Variants in PIN4 observed in about 807,000 individuals in gnomAD.
PIN4 encodes peptidylprolyl cis/trans isomerase, NIMA-interacting 4, also known as peptidyl-prolyl cis-trans isomerase NIMA-interacting 4.
A neutral mutation model predicts 8.3 loss-of-function variants in PIN4; 3 were observed. The ratio of observed to expected loss-of-function variants is 0.36; its 90% CI spans 0.16 to 0.93. The LOEUF is 0.93. Ranked by LOEUF, PIN4 falls within the 40% of genes least tolerant of loss-of-function variation. The pLI is 0.44. For missense variants in PIN4, 75 were observed against 100.6 expected (o/e 0.75, Z 1.09); for synonymous variants, 18 against 32.5 (o/e 0.55, Z 1.52).
chrX:72,238,977 T>C lies in PIN4; in HGVS notation c.313-23730T>C, dbSNP rs1015766100. On this transcript the variant is annotated intron_variant, in intron 3 of 3. Coordinates refer to the PIN4 transcript ENST00000423432. Reference sequence around the variant, plus strand: ...GAGCTTGGAGCTTGGAGCTTGGAGCTTGGAGCTTAGAGTTTGGAGCTTGAA... The same window carrying C: ...GAGCTTGGAGCTTGGAGCTTGGAGCCTGGAGCTTAGAGTTTGGAGCTTGAA... 6.7e-6 allele frequency: 7 copies of C among 1,044,383 alleles called. No homozygotes were observed. The Admixed American group carries it at 1.8e-4, about 27-fold the overall frequency. The allele number at this position is 1,044,383 out of a possible 1,213,427, so 86.1% of individuals were successfully genotyped here. A position where few individuals can be genotyped will look rare whatever the true frequency, so the allele number is the denominator to read the frequency against.
intron 3 of PIN4, chrX:72,262,680 C>T: frequency 9.7e-7 from 1 of 1,028,060 alleles, no homozygotes; most frequent in Non-Finnish European, 1.3e-6. Flanking sequence ...AATTGATTGA[C>T]ATTATCACTT....
intron 3 of PIN4, among the ~76,000 whole-genome samples, chrX:72,216,080 G>A (rs902514898): frequency 9.0e-6 from 1 of 110,571 alleles, no homozygotes; most frequent in African/African-American, 3.3e-5. Context: ...ATGTCAACCT[G>A]GAGCCCGTGA....
intron 1 of PIN4, among the ~76,000 whole-genome samples, chrX:72,185,156 A>AAAAAAAC (rs2042694984): frequency 9.6e-6 from 1 of 103,941 alleles, no homozygotes; most frequent in African/African-American, 3.4e-5. Context: ...TCAAAAAAAA[A>AAAAAAAC]AAAAAAAAAA....
At chrX:72,193,053 T>C (rs1159141346) in intron 2 of PIN4, among the ~76,000 whole-genome samples, 1 of 111,519 alleles carries the variant, frequency 9.0e-6, no homozygotes, top group Non-Finnish European at 1.9e-5. Context: ...TAGTCATCAC[T>C]CCCAAACTCT....
rs758022575 is a variant in PIN4, at chrX:72,215,858, A to T, written c.312+18954A>T. On this transcript the variant is annotated intron_variant, in intron 3 of 3. Coordinates refer to the PIN4 transcript ENST00000423432. ...TCCCGCTTGGGTTCAGTGGCATACA[A>T]CCCTTCTCCTAGATTTCTTCTACCT... Among the ~76,000 whole-genome samples, 8 of 109,967 alleles carry T rather than the reference A, an allele frequency of 7.3e-5. No individual in the cohort carries two copies. In the South Asian group the frequency reaches 3.2e-3, roughly 43 times the overall value.
At chrX:72,192,381 C>G (rs1457591765) in intron 2 of PIN4, among the ~76,000 whole-genome samples, 2 of 111,689 alleles carry the variant, frequency 1.8e-5, no homozygotes, top group Non-Finnish European at 3.8e-5. Context: ...CTGCTGTATT[C>G]TGGCTTCTGC....
At chrX:72,231,578 G>T (rs183764253) in intron 3 of PIN4, among the ~76,000 whole-genome samples, 1 of 109,282 alleles carries the variant, frequency 9.2e-6, no homozygotes, top group Non-Finnish European at 1.9e-5. Context: ...TTGAGACAGG[G>T]TCTCCCTCTG....
chrX:72,182,836 G>T (rs2042680860), intron 1 of PIN4, among the ~76,000 whole-genome samples: 1 of 111,721 alleles, frequency 9.0e-6, no homozygotes, highest in African/African-American at 3.3e-5. Context: ...GCGTAGTGTT[G>T]CTGGAGCAAA....
At chrX:72,259,642 G>C (rs751943927) in intron 3 of PIN4, among the ~76,000 whole-genome samples, 1 of 108,707 alleles carries the variant, frequency 9.2e-6, no homozygotes, top group South Asian at 4.3e-4. Context: ...AATCAGGGGT[G>C]TGAATTGACT....
Position 72,186,955 on chromosome X carries a change from A to T in PIN4, c.117+421A>T, listed in dbSNP as rs1002394387. ...AAATAAATAAATAAAAATAAATTTT[A>T]AAAAAATGGAAAATATAGACCAGTC... On this transcript the variant is annotated intron_variant, in intron 2 of 3. Transcript: ENST00000373669. Among the ~76,000 whole-genome samples, 8 of 112,259 alleles carry T rather than the reference A, an allele frequency of 7.1e-5. 1 individual carries two copies. The East Asian group carries it at 1.9e-3, about 27-fold the overall frequency.
At chrX:72,244,406 C>T (rs2043060090) in intron 3 of PIN4, among the ~76,000 whole-genome samples, 1 of 111,738 alleles carries the variant, frequency 8.9e-6, no homozygotes, top group Non-Finnish European at 1.9e-5. Context: ...AAGGGCATTT[C>T]AGGCAGAGGG....
intron 1 of PIN4, among the ~76,000 whole-genome samples, chrX:72,183,660 C>A (rs1836119931): frequency 2.7e-5 from 3 of 111,971 alleles, no homozygotes; most frequent in South Asian, 7.4e-4. Flanking sequence ...ATTTGGACTT[C>A]TTGGAAAGTT....
intron 2 of PIN4, among the ~76,000 whole-genome samples, chrX:72,194,868 A>G (rs779746739): frequency 5.4e-5 from 6 of 111,337 alleles, no homozygotes; most frequent in African/African-American, 1.6e-4. Flanking sequence ...CTTTTATACT[A>G]TATTTTTACT....
Sources: gnomAD v4.1 joint callset for allele counts (sites outside exome capture counted in the v4.1 genomes callset) on GRCh38, gnomAD v4.1.1 for gene constraint, MANE v1.5 for transcripts, NCBI Gene and HGNC (gene_info 2026-07-23, HGNC 2026-07-21) for gene names.